The following PCDHGB7 variants were observed in gnomAD, a reference collection of about 807,000 sequenced individuals.
PCDHGB7 encodes protocadherin gamma subfamily B, 7.
In PCDHGB7, 37 loss-of-function variants were observed where a neutral mutation model predicts 61.4. The ratio of observed to expected loss-of-function variants is 0.60; its 90% CI spans 0.46 to 0.79. PCDHGB7 has a LOEUF of 0.79. PCDHGB7 is among the 30% of genes least tolerant of loss of function. The probability of loss-of-function intolerance (pLI) is 0.00; values close to 1 mark genes in which losing one functional copy is unlikely to be tolerated. For synonymous variants in PCDHGB7, 464 were observed against 503.5 expected, an observed-to-expected ratio of 0.92 and a Z score of 1.05; for missense variants, 1,166 against 1,202.5, an observed-to-expected ratio of 0.97 and a Z score of 0.45.
intron 1 of PCDHGB7, among the ~76,000 whole-genome samples, chr5:141,438,764 C>A (rs963627140): frequency 6.7e-6 from 1 of 148,638 alleles, no homozygotes; most frequent in Non-Finnish European, 1.5e-5. Flanking sequence ...TGGGTTCAAG[C>A]GATTCTCCTG....
At chr5:141,462,360 A>G (rs1400686908) in intron 1 of PCDHGB7, among the ~76,000 whole-genome samples, 1 of 152,238 alleles carries the variant, frequency 6.6e-6, no homozygotes, top group Non-Finnish European at 1.5e-5. Flanking sequence ...TATACATTGT[A>G]TAGTTTCTAT....
rs2099705703 is a variant in PCDHGB7, at chr5:141,490,886, C to A, written c.2416-3921C>A. On this transcript the variant is annotated intron_variant, in intron 1 of 3. Transcript: ENST00000398594. This position sits in a 1 kb window ranked among gnomAD's most constrained non-coding sequence, Gnocchi z 5.4. The stretch of plus-strand genomic sequence containing the variant: ...TCTCCCCCATTGCATGCCAACACAT[C>A]TCTGCATGTGTTTGTCCTAGACGAG... The A allele has an allele frequency of 6.2e-7, 1 of 1,613,406 alleles. No homozygotes were observed. Among genetic ancestry groups the A allele is most frequent in the East Asian group, 2.2e-5 (1 of 44,878 alleles).
At chr5:141,428,164 T>C (rs1221973020) in intron 1 of PCDHGB7, 1 of 1,564,976 alleles carries the variant, frequency 6.4e-7, no homozygotes, top group South Asian at 1.1e-5. Flanking sequence ...TGCTGGTTGC[T>C]GTGCGTGACG....
intron 1 of PCDHGB7, chr5:141,428,456 A>G (rs538022786): frequency 1.4e-5 from 5 of 358,650 alleles, no homozygotes; most frequent in South Asian, 1.1e-4. Context: ...TTTCCCAACT[A>G]CAATGAGGGA....
At chr5:141,462,542 T>C (rs910054469) in intron 1 of PCDHGB7, among the ~76,000 whole-genome samples, 1 of 152,222 alleles carries the variant, frequency 6.6e-6, no homozygotes, top group Non-Finnish European at 1.5e-5. Flanking sequence ...AGTGATCTTT[T>C]CTTCTTCAGT....
At chr5:141,494,569 T>G (rs1341706026) in intron 1 of PCDHGB7, among the ~76,000 whole-genome samples, 2 of 152,190 alleles carry the variant, frequency 1.3e-5, no homozygotes, top group Non-Finnish European at 2.9e-5. Flanking sequence ...GAAAGGAGTC[T>G]CAGCTTGCTC....
intron 3 of PCDHGB7, among the ~76,000 whole-genome samples, chr5:141,507,805 G>C (rs2099863746): frequency 6.6e-6 from 1 of 152,204 alleles, no homozygotes; most frequent in Non-Finnish European, 1.5e-5. Flanking sequence ...TGCGCCCTGG[G>C]GAACGGACCC....
rs1246027327 is a variant in PCDHGB7, at chr5:141,491,976, C to A, written c.2416-2831C>A. On this transcript the variant is annotated intron_variant, in intron 1 of 3. Transcript: ENST00000398594. This position sits in a 1 kb window ranked among gnomAD's most constrained non-coding sequence, Gnocchi z 6.9. ...ACTCAAAAAAGGCCGGGGCCTCCTT[C>A]GAGCTTCCGGTGAATTTCGGGCGAT... 3 of 800,708 alleles carry A rather than the reference C, an allele frequency of 3.7e-6. No individual in the cohort carries two copies. The Admixed American group carries it at 1.1e-4, about 30-fold the overall frequency. 49.6% of individuals were successfully genotyped at this position (800,708 alleles called of 1,614,324 possible).
Position 141,489,712 on chromosome 5 carries a change from C to T in PCDHGB7, c.2416-5095C>T. On this transcript the variant is annotated intron_variant, in intron 1 of 3. Coordinates refer to ENST00000398594, the MANE Select transcript of PCDHGB7 (RefSeq NM_018927.4). The surrounding 1 kb of genome is among the most constrained non-coding windows in gnomAD (Gnocchi z 4.5). The stretch of plus-strand genomic sequence containing the variant: ...GGCACGATTCCCACTGGACAGTGCC[C>T]AGGATCCGGATGTGGGCACCAATAC... The T allele has an allele frequency of 6.2e-7, 1 of 1,614,162 alleles. No individual in the cohort carries two copies. The highest frequency in any genetic ancestry group is 1.1e-5 in the South Asian group (1 of 91,078).
At chr5:141,423,722 GT>G in intron 1 of PCDHGB7, 1 of 954,176 alleles carries the variant, frequency 1.0e-6, no homozygotes, top group Admixed American at 5.1e-5. Flanking sequence ...TTAAGGAGAT[GT>G]TTTTTGAGCC....
chr5:141,485,214 G>T lies in PCDHGB7; in HGVS notation c.2416-9593G>T. 6.2e-7 allele frequency: 1 copy of T among 1,614,164 alleles called. No individual in the cohort carries two copies. The highest frequency in any genetic ancestry group is 8.5e-7 in the Non-Finnish European group (1 of 1,179,996). On this transcript the variant is annotated intron_variant, in intron 1 of 3. Transcript: ENST00000398594. This position sits in a 1 kb window ranked among gnomAD's most constrained non-coding sequence, Gnocchi z 5.7. ...AGAAGCTGGACAGAAATCTGGCGGT[G>T]GGCTACCCTTTTGTTCCTCTTTTAC...
In PCDHGB7 at chr5:141,486,157, AG is replaced by A. The variant is rs1562110605; in HGVS notation, c.2416-8649del. 1 of 1,614,208 alleles carries A rather than the reference AG, an allele frequency of 6.2e-7. No homozygotes were observed. Among genetic ancestry groups the A allele is most frequent in the Admixed American group, 1.7e-5 (1 of 60,026 alleles). On this transcript the variant is annotated intron_variant, in intron 1 of 3. Coordinates refer to ENST00000398594, the MANE Select transcript of PCDHGB7 (RefSeq NM_018927.4). This position sits in a 1 kb window ranked among gnomAD's most constrained non-coding sequence, Gnocchi z 5.0. ...TGCGGGCTCGCGATGGGGGTTCTCC[AG>A]CCATGGAGCAACATTGCAGCCTTCG...
At chr5:141,423,837 A>G (rs73792199) in intron 1 of PCDHGB7, 16,285 of 1,277,458 alleles carry the variant, frequency 0.013, 610 homozygotes, top group African/African-American at 0.098. Context: ...TGAGATTACG[A>G]TAATCTTTCA....
intron 1 of PCDHGB7, chr5:141,421,203 G>A (rs779780797): frequency 2.6e-6 from 4 of 1,522,494 alleles, no homozygotes; most frequent in African/African-American, 1.4e-5. Context: ...TCGAGAAACC[G>A]CGGAATATCG....
chr5:141,431,767 T>G lies in PCDHGB7; in HGVS notation c.2415+11493T>G, dbSNP rs1397063213. On this transcript the variant is annotated intron_variant, in intron 1 of 3. Coordinates refer to ENST00000398594, the MANE Select transcript of PCDHGB7 (RefSeq NM_018927.4). The surrounding 1 kb of genome is among the most constrained non-coding windows in gnomAD (Gnocchi z 4.8). ...CTGCGCGAGCCAAAGTCCTGATCAC[T>G]GTTCTGGACGTGAACGACAATGCCC... The G allele has an allele frequency of 6.2e-7, 1 of 1,614,224 alleles. No individual in the cohort carries two copies.
intron 1 of PCDHGB7, among the ~76,000 whole-genome samples, chr5:141,469,102 A>G (rs1423904196): frequency 6.6e-6 from 1 of 151,626 alleles, no homozygotes; most frequent in East Asian, 1.9e-4. Flanking sequence ...CAAAGCAAGA[A>G]CCTGTCTCTA....
intron 2 of PCDHGB7, among the ~76,000 whole-genome samples, chr5:141,497,880 T>C (rs2099780200): frequency 6.6e-6 from 1 of 152,170 alleles, no homozygotes; most frequent in Non-Finnish European, 1.5e-5. Context: ...GAAATAAGCG[T>C]TAGGATCTAG....
At chr5:141,430,910 G>T in intron 1 of PCDHGB7, 2 of 1,608,040 alleles carry the variant, frequency 1.2e-6, no homozygotes, top group Middle Eastern at 1.7e-4. Context: ...CATCTCCAGG[G>T]ACCTGGGGCT....
rs1350353768 is a variant in PCDHGB7, at chr5:141,476,524, T to A, written c.2416-18283T>A. Reference sequence around the variant, plus strand: ...TCAACGACAACAATCCTGCTTTCCCTACCCAGGAAATGAAATTGGAGATTA... The same window carrying A: ...TCAACGACAACAATCCTGCTTTCCCAACCCAGGAAATGAAATTGGAGATTA... On this transcript the variant is annotated intron_variant, in intron 1 of 3. Coordinates refer to ENST00000398594, the MANE Select transcript of PCDHGB7 (RefSeq NM_018927.4). The surrounding 1 kb of genome is among the most constrained non-coding windows in gnomAD (Gnocchi z 7.6). The A allele has an allele frequency of 1.2e-5, 20 of 1,614,064 alleles. No homozygotes were observed. The highest frequency in any genetic ancestry group is 1.7e-5 in the Non-Finnish European group (20 of 1,180,036).
Sources: allele counts gnomAD v4.1 joint callset (sites outside exome capture counted in the v4.1 genomes callset), GRCh38; gene constraint gnomAD v4.1.1; non-coding constraint Gnocchi (gnomAD v3.1); transcripts MANE v1.5; gene names NCBI Gene and HGNC (gene_info 2026-07-23, HGNC 2026-07-21).